Variants in PKNOX2 observed in about 807,000 individuals in gnomAD.
The protein encoded by PKNOX2 is PBX/knotted 1 homeobox 2.
PKNOX2 carries 14 observed loss-of-function variants against 53.1 expected under a neutral mutation model. The observed-to-expected ratio is 0.26, with a 90% confidence interval of 0.17 to 0.41. The LOEUF (loss-of-function observed/expected upper bound fraction) is 0.41, where lower values mean the gene tolerates loss of function less well. Ranked by LOEUF, PKNOX2 falls within the 10% of genes least tolerant of loss-of-function variation. The pLI is 1.00. For missense variants in PKNOX2, 496 were observed against 602.8 expected (o/e 0.82, Z 1.85); for synonymous variants, 257 against 242.8 (o/e 1.06, Z -0.54).
At chr11:125,259,712 C>T (rs76828658) in intron 2 of PKNOX2, among the ~76,000 whole-genome samples, 3,045 of 152,286 alleles carry the variant, frequency 0.02, 61 homozygotes, top group East Asian at 0.073. Flanking sequence ...CTGGCCCACA[C>T]TGGGCCATGG....
chr11:125,189,411 ATATGTGTG>A (rs1455098753), intron 1 of PKNOX2, among the ~76,000 whole-genome samples: 234 of 52,188 alleles, frequency 4.5e-3, no homozygotes, highest in East Asian at 0.011. Flanking sequence ...GTGTATATAT[ATATGTGTG>A]TGTGTGTGTG....
At chr11:125,339,411 A>T (rs11220027) in intron 3 of PKNOX2, among the ~76,000 whole-genome samples, 8,020 of 152,282 alleles carry the variant, frequency 0.053, 301 homozygotes, top group Middle Eastern at 0.078. Flanking sequence ...CCCTGACTTG[A>T]AAACACTAAT....
intron 2 of PKNOX2, among the ~76,000 whole-genome samples, chr11:125,268,647 G>A (rs1377360049): frequency 6.6e-6 from 1 of 152,198 alleles, no homozygotes; most frequent in Non-Finnish European, 1.5e-5. Context: ...AAGCTGGTCT[G>A]GTTGGCCTTA....
At chr11:125,303,425 C>A (rs1175683275) in intron 2 of PKNOX2, among the ~76,000 whole-genome samples, 1 of 152,086 alleles carries the variant, frequency 6.6e-6, no homozygotes, top group Non-Finnish European at 1.5e-5. Context: ...CCCCAGCCCC[C>A]CTGCCACATT....
intron 1 of PKNOX2, chr11:125,191,400 A>G (rs1230631219): frequency 6.6e-6 from 1 of 152,250 alleles, no homozygotes; most frequent in Non-Finnish European, 1.5e-5. Context: ...AAAGAGAGCA[A>G]GCCAGGAGTG....
At chr11:125,179,584 G>C (rs983860565) in intron 1 of PKNOX2, among the ~76,000 whole-genome samples, 2 of 152,044 alleles carry the variant, frequency 1.3e-5, no homozygotes, top group Admixed American at 6.5e-5. Context: ...GCAGAGTGGC[G>C]GGTCAGGCGC....
intron 1 of PKNOX2, among the ~76,000 whole-genome samples, chr11:125,174,514 C>T (rs1054273865): frequency 1.3e-5 from 2 of 152,162 alleles, no homozygotes; most frequent in African/African-American, 2.4e-5. Context: ...TATTCTCCTA[C>T]GACTGTCTGG....
At chr11:125,300,615 C>A (rs562661248) in intron 2 of PKNOX2, among the ~76,000 whole-genome samples, 18 of 151,676 alleles carry the variant, frequency 1.2e-4, no homozygotes, top group African/African-American at 3.9e-4. Context: ...AAGAGAGAGA[C>A]AGAGACAGAA....
At chr11:125,195,773 TCTCCAA>T (rs1957139006) in intron 1 of PKNOX2, among the ~76,000 whole-genome samples, 1 of 152,016 alleles carries the variant, frequency 6.6e-6, no homozygotes, top group African/African-American at 2.4e-5. Context: ...CCTGATAATT[TCTCCAA>T]CTCCAACACT....
intron 9 of PKNOX2, chr11:125,411,500 CTCT>C (rs1565519891): frequency 4.3e-6 from 2 of 466,978 alleles, no homozygotes; most frequent in African/African-American, 2.1e-5. Flanking sequence ...CTCTCTCTCT[CTCT>C]CTCTCTCCCC....
intron 3 of PKNOX2, among the ~76,000 whole-genome samples, chr11:125,349,019 G>C (rs904198043): frequency 6.6e-6 from 1 of 152,116 alleles, no homozygotes; most frequent in Non-Finnish European, 1.5e-5. Flanking sequence ...CGATGCTCCC[G>C]GGAAGAGATT....
chr11:125,407,580 G>T (rs1181150631), intron 7 of PKNOX2, among the ~76,000 whole-genome samples: 1 of 152,016 alleles, frequency 6.6e-6, no homozygotes, highest in African/African-American at 2.4e-5. Context: ...TAAGGTGAAT[G>T]GCATGGAGGT....
At chr11:125,263,207 C>T (rs148794063) in intron 2 of PKNOX2, among the ~76,000 whole-genome samples, 1 of 152,304 alleles carries the variant, frequency 6.6e-6, no homozygotes, top group Non-Finnish European at 1.5e-5. Context: ...ATTGCCCTAC[C>T]CTTCAAGGAC....
At chr11:125,371,941 A>C (rs1443697804) in intron 5 of PKNOX2, among the ~76,000 whole-genome samples, 1 of 152,134 alleles carries the variant, frequency 6.6e-6, no homozygotes, top group Non-Finnish European at 1.5e-5. Flanking sequence ...AATTGAATTA[A>C]CTGTGTTAGC....
At chr11:125,261,606 AC>A in intron 2 of PKNOX2, among the ~76,000 whole-genome samples, 1 of 152,286 alleles carries the variant, frequency 6.6e-6, no homozygotes, top group East Asian at 1.9e-4. Flanking sequence ...CTGTTCAAGA[AC>A]TGCCTTTCAG....
intron 2 of PKNOX2, among the ~76,000 whole-genome samples, chr11:125,271,206 C>T (rs1945767842): frequency 6.6e-6 from 1 of 152,192 alleles, no homozygotes; most frequent in African/African-American, 2.4e-5. Context: ...CTCTGGCCTT[C>T]CTTCTTAGGA....
chr11:125,171,746 A>C (rs1279592197), intron 1 of PKNOX2, among the ~76,000 whole-genome samples: 1 of 152,164 alleles, frequency 6.6e-6, no homozygotes, highest in Non-Finnish European at 1.5e-5. Flanking sequence ...CCAGCGTTGC[A>C]CAAATAGCCA....
At chr11:125,216,355 A>G (rs897133432) in intron 1 of PKNOX2, among the ~76,000 whole-genome samples, 1 of 152,108 alleles carries the variant, frequency 6.6e-6, no homozygotes, top group African/African-American at 2.4e-5. Flanking sequence ...TTTCCTTCCC[A>G]TAGACAGTGT....
intron 2 of PKNOX2, among the ~76,000 whole-genome samples, chr11:125,248,152 C>T (rs1269692638): frequency 6.6e-6 from 1 of 152,196 alleles, no homozygotes; most frequent in Non-Finnish European, 1.5e-5. Context: ...CCCAAATGAA[C>T]AAATGAACAG....
Sources: allele counts gnomAD v4.1 joint callset (sites outside exome capture counted in the v4.1 genomes callset), GRCh38; gene constraint gnomAD v4.1.1; transcripts MANE v1.5; gene names NCBI Gene and HGNC (gene_info 2026-07-23, HGNC 2026-07-21).